The following AGPAT5 variants were observed in gnomAD, a reference collection of about 807,000 sequenced individuals.
The protein encoded by AGPAT5 is 1-acyl-sn-glycerol-3-phosphate acyltransferase epsilon.
AGPAT5 carries 46 observed loss-of-function variants against 45.6 expected under a neutral mutation model. The ratio of observed to expected loss-of-function variants is 1.01; its 90% CI spans 0.80 to 1.29. AGPAT5 has a LOEUF of 1.29. Ranked by LOEUF, AGPAT5 falls within the 50% of genes most tolerant of loss-of-function variation. The probability of loss-of-function intolerance (pLI) is 0.00; values close to 1 mark genes in which losing one functional copy is unlikely to be tolerated. For missense variants in AGPAT5, 673 were observed against 450.7 expected (o/e 1.49, Z -4.47); for synonymous variants, 272 against 167.0 (o/e 1.63, Z -4.85).
Position 6,754,800 on chromosome 8 carries a change from A to G in AGPAT5, c.746-251A>G, listed in dbSNP as rs375189102. ...TGAAAAATAACATTTGGTACTATTGATTTAACTTAATGACTTATGTAATTG... is the reference window on the plus strand; with the variant it reads ...TGAAAAATAACATTTGGTACTATTGGTTTAACTTAATGACTTATGTAATTG... On this transcript the variant is annotated intron_variant, in intron 6 of 7. Transcript: ENST00000285518. 1.8e-3 allele frequency among the ~76,000 whole-genome samples: 274 copies of G among 152,296 alleles called. 9 individuals are homozygous for G. The South Asian group carries it at 0.053, about 30-fold the overall frequency.
intron 1 of AGPAT5, among the ~76,000 whole-genome samples, chr8:6,720,076 A>G (rs2116867741): frequency 6.6e-6 from 1 of 152,274 alleles, no homozygotes; most frequent in Non-Finnish European, 1.5e-5. Context: ...TTCTAGTTCT[A>G]CCTATGCTGC....
At chr8:6,721,318 A>G (rs1000271181) in intron 1 of AGPAT5, among the ~76,000 whole-genome samples, 1 of 152,246 alleles carries the variant, frequency 6.6e-6, no homozygotes, top group African/African-American at 2.4e-5. Context: ...TGAAATTGAA[A>G]TTCTTTATAG....
intron 4 of AGPAT5, among the ~76,000 whole-genome samples, chr8:6,734,433 C>T (rs926733256): frequency 2.0e-5 from 3 of 152,138 alleles, no homozygotes; most frequent in Admixed American, 6.5e-5. Flanking sequence ...TTTCATTCCT[C>T]ACATTTCCCT....
intron 4 of AGPAT5, among the ~76,000 whole-genome samples, chr8:6,735,129 G>A (rs1332852405): frequency 2.6e-5 from 4 of 152,140 alleles, no homozygotes; most frequent in Non-Finnish European, 4.4e-5. Flanking sequence ...TCTGTGCCCA[G>A]TATGTATTCC....
intron 4 of AGPAT5, among the ~76,000 whole-genome samples, chr8:6,735,763 G>C (rs981430067): frequency 6.6e-6 from 1 of 150,804 alleles, no homozygotes; most frequent in Non-Finnish European, 1.5e-5. Flanking sequence ...CCCATTTTTG[G>C]TTAATAAATT....
At chr8:6,747,322 C>T (rs1205748200) in intron 5 of AGPAT5, among the ~76,000 whole-genome samples, 1 of 152,184 alleles carries the variant, frequency 6.6e-6, no homozygotes, top group Non-Finnish European at 1.5e-5. Flanking sequence ...CTTGAGTCAC[C>T]ATGGGCAAGA....
intron 6 of AGPAT5, among the ~76,000 whole-genome samples, chr8:6,754,106 G>T (rs1801747382): frequency 1.3e-5 from 2 of 152,148 alleles, no homozygotes; most frequent in African/African-American, 4.8e-5. Flanking sequence ...TAAATCTTAG[G>T]AATATTTCTT....
chr8:6,735,343 C>G (rs945040516), intron 4 of AGPAT5, among the ~76,000 whole-genome samples: 1 of 152,166 alleles, frequency 6.6e-6, no homozygotes, highest in Non-Finnish European at 1.5e-5. Context: ...TACATCCAGT[C>G]TTCCCTGACC....
Position 6,757,551 on chromosome 8 carries a change from C to A in AGPAT5, c.*163C>A, listed in dbSNP as rs1055209370. 6.5e-6 allele frequency: 4 copies of A among 616,186 alleles called. No homozygotes were observed. The highest frequency in any genetic ancestry group is 2.1e-5 in the South Asian group (1 of 47,936). The allele number at this position is 616,186 out of a possible 1,614,324, so 38.2% of individuals were successfully genotyped here. ...GTGACGAAAGCTGATATGCAATGGT[C>A]TTGGGCAAACATACCTGGTTGTACA... On this transcript the variant is annotated 3_prime_UTR_variant, in exon 8 of 8. Coordinates refer to ENST00000285518, the MANE Select transcript of AGPAT5 (RefSeq NM_018361.5).
intron 1 of AGPAT5, among the ~76,000 whole-genome samples, chr8:6,709,989 A>T (rs931374398): frequency 2.0e-5 from 3 of 152,104 alleles, no homozygotes; most frequent in Non-Finnish European, 2.9e-5. Flanking sequence ...ATTCAGGCTA[A>T]TTTTTTCCCT....
chr8:6,724,201 G>T (rs1563287479), intron 1 of AGPAT5, among the ~76,000 whole-genome samples: 1 of 152,238 alleles, frequency 6.6e-6, no homozygotes, highest in Middle Eastern at 3.4e-3. Context: ...TCTTTAGCAT[G>T]GAATTCAAAA....
chr8:6,724,585 A>C (rs1198794860), intron 1 of AGPAT5, among the ~76,000 whole-genome samples: 20 of 152,180 alleles, frequency 1.3e-4, no homozygotes, highest in Admixed American at 1.3e-3. Flanking sequence ...TCTTATGAAC[A>C]GTGTTTTATA....
At chr8:6,735,411 C>T (rs1801017964) in intron 4 of AGPAT5, among the ~76,000 whole-genome samples, 1 of 152,160 alleles carries the variant, frequency 6.6e-6, no homozygotes, top group African/African-American at 2.4e-5. Flanking sequence ...GTGGGTCGAG[C>T]CTGTGAAATG....
chr8:6,757,007 C>T (rs1801864937), intron 7 of AGPAT5, among the ~76,000 whole-genome samples, 156 bp from the exon 8 acceptor site: 1 of 152,186 alleles, frequency 6.6e-6, no homozygotes, highest in Admixed American at 6.5e-5. Context: ...AGACTAGAAA[C>T]TTCTATTAAA....
intron 1 of AGPAT5, among the ~76,000 whole-genome samples, chr8:6,714,331 T>C (rs1298628692): frequency 1.3e-5 from 2 of 152,214 alleles, no homozygotes; most frequent in Admixed American, 1.3e-4. Flanking sequence ...ATAAAAACTT[T>C]TACTATAGGA....
Position 6,720,966 on chromosome 8 carries a change from G to A in AGPAT5, c.220-3904G>A, listed in dbSNP as rs78670362. ...AAACACCTAGTCATTACAGTTTTGC[G>A]TGTGAAGTACTATTTTGAAAGCTTA... On this transcript the variant is annotated intron_variant, in intron 1 of 7. Coordinates refer to ENST00000285518, the MANE Select transcript of AGPAT5 (RefSeq NM_018361.5). Among the ~76,000 whole-genome samples the A allele has an allele frequency of 1.0e-2, 1,522 of 152,268 alleles. 21 individuals are homozygous for A. The highest frequency in any genetic ancestry group is 0.063 in the East Asian group (328 of 5,188).
chr8:6,736,745 T>G (rs903004503), intron 4 of AGPAT5, among the ~76,000 whole-genome samples: 3 of 152,238 alleles, frequency 2.0e-5, no homozygotes, highest in Non-Finnish European at 4.4e-5. Context: ...ACTGAGCCAT[T>G]CAGGCAGTGC....
Position 6,734,691 on chromosome 8 carries a change from T to G in AGPAT5, c.495+2041T>G, listed in dbSNP as rs377097904. On this transcript the variant is annotated intron_variant, in intron 4 of 7. Transcript: ENST00000285518. ...ATTTTGCCTAACGCTGGGCCTTTTT[T>G]GTAAGACAGGAGAAATGGAGGCAAG... Among the ~76,000 whole-genome samples the G allele has an allele frequency of 5.4e-4, 82 of 152,246 alleles. 1 individual carries two copies. In the South Asian group the frequency reaches 0.017, roughly 31 times the overall value.
At chr8:6,725,113 G>T (rs1800641738) in intron 2 of AGPAT5, among the ~76,000 whole-genome samples, 174 bp downstream of exon 2, 1 of 152,132 alleles carries the variant, frequency 6.6e-6, no homozygotes, top group African/African-American at 2.4e-5. Context: ...TCAGAAACTT[G>T]AAAGCTATGA....
Sources: gnomAD v4.1 joint callset for allele counts (sites outside exome capture counted in the v4.1 genomes callset) on GRCh38, gnomAD v4.1.1 for gene constraint, MANE v1.5 for transcripts, NCBI Gene and HGNC (gene_info 2026-07-23, HGNC 2026-07-21) for gene names.